SH3BP1: variants seen among roughly 807,000 people sequenced by gnomAD.
SH3BP1 encodes the protein SH3 domain binding protein 1.
Under a neutral mutation model 69.8 loss-of-function variants are expected in SH3BP1, and 46 were observed. The ratio of observed to expected loss-of-function variants is 0.66; its 90% confidence interval spans 0.52 to 0.84. The LOEUF (loss-of-function observed/expected upper bound fraction) is 0.84, where lower values mean the gene tolerates loss of function less well. SH3BP1 is among the 40% of genes least tolerant of loss of function. SH3BP1 has a pLI of 0.00. For missense variants in SH3BP1, 868 were observed against 930.9 expected, an observed-to-expected ratio of 0.93 and a Z score of 0.88; for synonymous variants, 403 against 378.0, an observed-to-expected ratio of 1.07 and a Z score of -0.77.
Position 37,650,155 on chromosome 22 carries a change from C to A in SH3BP1, c.1320C>A (p.Asp440Glu), listed in dbSNP as rs1347807940. 6.2e-7 allele frequency: 1 copy of A among 1,613,982 alleles called. No individual in the cohort carries two copies. The highest frequency in any genetic ancestry group is 8.5e-7 in the Non-Finnish European group (1 of 1,180,026). The stretch of plus-strand genomic sequence containing the variant: ...CAGATGCATCTCTTTGTCCCAGGGA[C>A]CAGGCCCAGCTGGATGCAGCCTCCG... The part of the protein sequence containing the change: ...NLLWPPEKEG[D>E]QAQLDAASVS... The change falls in exon 15 of 18, where the codon GAC (aspartate) becomes GAA (glutamate). Residue 440 changes from aspartate (D) to glutamate (E), a missense_variant. Transcript: ENST00000649765.
intron 16 of SH3BP1, among the ~76,000 whole-genome samples, chr22:37,651,665 C>T (rs1932882201): frequency 6.6e-6 from 1 of 152,058 alleles, no homozygotes; most frequent in African/African-American, 2.4e-5. Context: ...TCTGGAAGGG[C>T]TTCGTGGTAC....
At chr22:37,654,171 C>CA (rs750152659) in intron 17 of SH3BP1, among the ~76,000 whole-genome samples, 2 of 152,192 alleles carry the variant, frequency 1.3e-5, no homozygotes, top group Non-Finnish European at 2.9e-5. Context: ...TGGCACACAG[C>CA]ACGTGCCCAC....
chr22:37,646,632 CT>C (rs1232176586), intron 10 of SH3BP1, 185 bp from the exon 11 acceptor site: 3 of 428,250 alleles, frequency 7.0e-6, no homozygotes, highest in African/African-American at 6.1e-5. Flanking sequence ...CAGCCCTGCC[CT>C]TTGCTCAGAA....
chr22:37,648,603 C>T (rs1322027501), intron 14 of SH3BP1, 168 bp downstream of exon 14: 8 of 608,748 alleles, frequency 1.3e-5, no homozygotes, highest in Non-Finnish European at 2.4e-5. Flanking sequence ...CTGTGCAGGC[C>T]ACAGGGCTTT....
intron 16 of SH3BP1, among the ~76,000 whole-genome samples, chr22:37,651,529 C>T (rs1325640053): frequency 1.3e-5 from 2 of 151,968 alleles, no homozygotes; most frequent in South Asian, 2.1e-4. Flanking sequence ...AGGGTTACCC[C>T]ATGTTGGCCA....
At chr22:37,653,916 G>T in intron 17 of SH3BP1, 43 bp downstream of exon 17, 1 of 1,223,070 alleles carries the variant, frequency 8.2e-7, no homozygotes, top group Non-Finnish European at 1.2e-6. Flanking sequence ...GAGGGTGGGC[G>T]GGGAGAGGGG....
rs1404659651 is a variant in SH3BP1, at chr22:37,655,342, A to G, written c.1764A>G (p.Pro588=). 5 of 982,368 alleles carry G rather than the reference A, an allele frequency of 5.1e-6. No individual in the cohort carries two copies. The highest frequency in any genetic ancestry group is 2.7e-5 in the South Asian group (1 of 37,362). The allele number at this position is 982,368 out of a possible 1,614,324, so 60.9% of individuals were successfully genotyped here. A position where few individuals can be genotyped will look rare whatever the true frequency, so the allele number is the denominator to read the frequency against. Residue 588 remains proline (P), a synonymous_variant, in exon 18 of 18, where the codon CCA becomes CCG. Transcript: ENST00000649765. ...TCTCCGGCTCCCGCTCCTCCCCTCC[A>G]GCCCCGCCCTTGCCCCCTGGCTCTG... ...PQVSGSRSSP[P]APPLPPGSGS... is the part of the protein sequence containing the mutation.
rs1472767588 is a variant in SH3BP1, at chr22:37,648,509, C to T, written c.1316+74C>T. ...TCCCAACTATCTGTTGTCTATTTTT[C>T]CCCGGGGCCTTGGTGTCCCCATTTT... is the stretch of plus-strand genomic sequence containing the variant. On this transcript the variant is annotated intron_variant, in intron 14 of 17. Transcript: ENST00000649765. The T allele has an allele frequency of 2.8e-6, 3 of 1,075,570 alleles. No homozygotes were observed. The African/African-American group carries it at 4.7e-5, about 17-fold the overall frequency. 66.6% of individuals were successfully genotyped at this position (1,075,570 alleles called of 1,614,324 possible). A position where few individuals can be genotyped will look rare whatever the true frequency, so the allele number is the denominator to read the frequency against.
intron 2 of SH3BP1, 69 bp downstream of exon 2, chr22:37,641,237 C>G: frequency 6.6e-7 from 1 of 1,524,606 alleles, no homozygotes; most frequent in Non-Finnish European, 8.9e-7. Flanking sequence ...AGGGCCGGGG[C>G]GGGGACGCCA....
intron 3 of SH3BP1, chr22:37,642,321 T>A: frequency 1.8e-6 from 1 of 560,712 alleles, no homozygotes; most frequent in South Asian, 2.0e-5. Flanking sequence ...GTCAAGTGGC[T>A]TCTGGGAAGA....
At chr22:37,642,503 C>T in intron 3 of SH3BP1, 36 bp from the exon 4 acceptor site, 2 of 1,607,302 alleles carry the variant, frequency 1.2e-6, no homozygotes, top group Non-Finnish European at 1.7e-6. Flanking sequence ...TGGAGGGAGG[C>T]ACGGACACTC....
chr22:37,641,025 G>A, intron 1 of SH3BP1, 101 bp from the exon 2 acceptor site: 2 of 812,690 alleles, frequency 2.5e-6, no homozygotes, highest in South Asian at 1.5e-5. Context: ...GGAAGCACTG[G>A]GGTCCAGGTG....
chr22:37,650,881 A>G (rs762988), intron 16 of SH3BP1, 156 bp downstream of exon 16: 577,858 of 994,890 alleles, frequency 0.58, 169,715 homozygotes, highest in African/African-American at 0.77. Flanking sequence ...AGGGTGGGGC[A>G]GAGACTCAGA....
In SH3BP1 at chr22:37,647,303, C is replaced by T; in HGVS notation, c.1073C>T (p.Pro358Leu). The T allele has an allele frequency of 1.9e-6, 3 of 1,614,116 alleles. No individual in the cohort carries two copies. The highest frequency in any genetic ancestry group is 2.5e-6 in the Non-Finnish European group (3 of 1,180,004). ...LKSYLRELPE[P>L]LMTFDLYDDW... is the part of the protein sequence containing the mutation. ...TCCTATCTGCGGGAGCTGCCAGAGC[C>T]TCTGATGACCTTCGACCTCTATGAT... Residue 358 changes from proline to leucine, a missense_variant, in exon 12 of 18, where the codon CCT (proline) becomes CTT (leucine). Transcript: ENST00000649765.
chr22:37,644,873 C>T lies in SH3BP1; in HGVS notation c.691C>T (p.Leu231=). Residue 231 remains leucine, a synonymous_variant, in exon 9 of 18, where the codon CTG becomes TTG. Transcript: ENST00000649765. ...DSYANYFIRL[L]EIQADYHRRS... ...GGGTGTCCCTTCATCCCCACAGCTC[C>T]TGGAGATTCAGGCCGATTACCATCG... 5.6e-6 allele frequency: 9 copies of T among 1,614,062 alleles called. No individual in the cohort carries two copies. Among genetic ancestry groups the T allele is most frequent in the Non-Finnish European group, 7.6e-6 (9 of 1,180,020 alleles).
intron 6 of SH3BP1, 74 bp downstream of exon 6, chr22:37,643,248 T>G: frequency 7.7e-7 from 1 of 1,302,116 alleles, no homozygotes; most frequent in Non-Finnish European, 1.1e-6. Context: ...TTTGAGGCCC[T>G]GGCCACACCA....
chr22:37,645,074 A>G, intron 9 of SH3BP1, 114 bp downstream of exon 9: 2 of 1,011,738 alleles, frequency 2.0e-6, no homozygotes, highest in Non-Finnish European at 3.0e-6. Flanking sequence ...GGGTTCTGAG[A>G]GCTAGGCTCA....
rs1932510005 is a variant in SH3BP1, at chr22:37,639,730, G to A, written c.-58G>A. The A allele has an allele frequency of 8.7e-6, 10 of 1,145,652 alleles. No homozygotes were observed. The South Asian group carries it at 1.5e-4, about 18-fold the overall frequency. The allele number at this position is 1,145,652 out of a possible 1,614,324, so 71.0% of individuals were successfully genotyped here. ...CCGCAGGAGAGGCAGGCTGGACCGG[G>A]GGCTCCCCGGGCCCGCGACCCCCGC... On this transcript the variant is annotated 5_prime_UTR_variant, in exon 1 of 18. Transcript: ENST00000649765.
chr22:37,642,620 G>A lies in SH3BP1; in HGVS notation c.284+5G>A. ...GGACCCTGATTCCAGCATGGGGTGA[G>A]CACAGACGGGGCCCAGCCCTCACCT... On this transcript the variant is annotated splice_donor_5th_base_variant and intron_variant, in intron 4 of 17. Transcript: ENST00000649765. 1 of 1,613,312 alleles carries A rather than the reference G, an allele frequency of 6.2e-7. No individual in the cohort carries two copies. Among genetic ancestry groups the A allele is most frequent in the Non-Finnish European group, 8.5e-7 (1 of 1,180,002 alleles).
Sources: allele counts gnomAD v4.1 joint callset (sites outside exome capture counted in the v4.1 genomes callset), GRCh38; gene constraint gnomAD v4.1.1; transcripts MANE v1.5; gene names NCBI Gene and HGNC (gene_info 2026-07-23, HGNC 2026-07-21).